The following ADGRL3 variants were observed in gnomAD, a reference collection of about 807,000 sequenced individuals.
The protein encoded by ADGRL3 is adhesion G protein-coupled receptor L3.
Under a neutral mutation model 153.5 loss-of-function variants are expected in ADGRL3, and 62 were observed. The ratio of observed to expected loss-of-function variants is 0.40; its 90% CI spans 0.33 to 0.50. The LOEUF is 0.50. Among genes scored for constraint, ADGRL3 ranks in the 20% least tolerant of loss-of-function variants. ADGRL3 has a pLI of 0.47. For missense variants in ADGRL3, 1,641 were observed against 1,859.4 expected (o/e 0.88, Z 2.16); for synonymous variants, 710 against 672.5 (o/e 1.06, Z -0.86).
At chr4:61,746,776 C>T (rs962347270) in intron 8 of ADGRL3, among the ~76,000 whole-genome samples, 3 of 151,912 alleles carry the variant, frequency 2.0e-5, no homozygotes, top group African/African-American at 7.3e-5. Flanking sequence ...AAATTGACAC[C>T]CTAACATCAC....
At chr4:61,962,516 A>C (rs1320468243) in intron 17 of ADGRL3, among the ~76,000 whole-genome samples, 1 of 152,060 alleles carries the variant, frequency 6.6e-6, no homozygotes, top group Non-Finnish European at 1.5e-5. Context: ...TTTGTCTTTC[A>C]TGAGAATGAT....
At chr4:62,008,769 A>G (rs1278135877) in intron 21 of ADGRL3, among the ~76,000 whole-genome samples, 1 of 151,840 alleles carries the variant, frequency 6.6e-6, no homozygotes, top group African/African-American at 2.4e-5. Context: ...ATATATGCAT[A>G]TATATAATCA....
chr4:61,647,801 GC>G (rs1456783907), intron 5 of ADGRL3, among the ~76,000 whole-genome samples: 3 of 151,992 alleles, frequency 2.0e-5, no homozygotes, highest in Non-Finnish European at 2.9e-5. Context: ...TAGAAAACAT[GC>G]ATTTATTAAT....
At chr4:62,068,383 A>G (rs969992701) in intron 26 of ADGRL3, among the ~76,000 whole-genome samples, 200 bp downstream of exon 26, 2 of 152,210 alleles carry the variant, frequency 1.3e-5, no homozygotes, top group Non-Finnish European at 2.9e-5. Flanking sequence ...ATTGTCACAT[A>G]ATCAACATAG....
At chr4:61,902,703 C>T (rs924904610) in intron 11 of ADGRL3, among the ~76,000 whole-genome samples, 2 of 152,076 alleles carry the variant, frequency 1.3e-5, no homozygotes, top group African/African-American at 2.4e-5. Flanking sequence ...AGGCCCCTAC[C>T]CACATCCCAA....
chr4:61,819,273 G>A (rs567219228), intron 9 of ADGRL3, among the ~76,000 whole-genome samples: 4 of 152,084 alleles, frequency 2.6e-5, no homozygotes, highest in Non-Finnish European at 4.4e-5. Context: ...GACAAATTAC[G>A]TTCTTTAAAT....
At chr4:61,422,637 T>C (rs953520194) in intron 2 of ADGRL3, among the ~76,000 whole-genome samples, 3 of 152,148 alleles carry the variant, frequency 2.0e-5, no homozygotes, top group Non-Finnish European at 4.4e-5. Context: ...CTAATGTAGA[T>C]GTTTCAGTGT....
At chr4:61,275,294 T>G (rs2149865585) in intron 1 of ADGRL3, among the ~76,000 whole-genome samples, 1 of 152,310 alleles carries the variant, frequency 6.6e-6, no homozygotes, top group African/African-American at 2.4e-5. Flanking sequence ...CTTTATCAAC[T>G]TAGAATGGTA....
Position 62,031,616 on chromosome 4 carries a change from C to CT in ADGRL3, c.3591+7dup. On this transcript the variant is annotated splice_region_variant and intron_variant, in intron 23 of 26. Coordinates refer to ENST00000683033, the MANE Select transcript of ADGRL3 (RefSeq NM_001387552.1). ...ATTGTGTCCTACAGAAGAAGGTAAG[C>CT]TAGAATTCTTTTTTTAAAATAAAAA... 1 of 1,584,494 alleles carries CT rather than the reference C, an allele frequency of 6.3e-7. No individual in the cohort carries two copies. Among genetic ancestry groups the CT allele is most frequent in the Non-Finnish European group, 8.6e-7 (1 of 1,161,974 alleles).
intron 2 of ADGRL3, among the ~76,000 whole-genome samples, chr4:61,487,603 C>T (rs1201703427): frequency 6.6e-6 from 1 of 151,980 alleles, no homozygotes; most frequent in Non-Finnish European, 1.5e-5. Context: ...CTTGCCTTTC[C>T]TGATTTCTAG....
intron 8 of ADGRL3, among the ~76,000 whole-genome samples, chr4:61,790,792 C>T (rs1469636627): frequency 6.6e-6 from 1 of 152,108 alleles, no homozygotes; most frequent in Non-Finnish European, 1.5e-5. Context: ...GTTGGGAAGG[C>T]CTCACAATCA....
intron 2 of ADGRL3, among the ~76,000 whole-genome samples, chr4:61,411,158 A>G (rs1279100878): frequency 6.6e-6 from 1 of 152,146 alleles, no homozygotes; most frequent in African/African-American, 2.4e-5. Context: ...GATTTTGTCA[A>G]TTGTCCCAAC....
chr4:61,295,718 G>A (rs547608986), intron 1 of ADGRL3, among the ~76,000 whole-genome samples: 21 of 152,014 alleles, frequency 1.4e-4, no homozygotes, highest in Middle Eastern at 3.4e-3. Context: ...CAGCATTTTG[G>A]GAGGCAGAGG....
intron 5 of ADGRL3, among the ~76,000 whole-genome samples, chr4:61,675,738 A>T (rs946832399): frequency 1.2e-4 from 18 of 151,612 alleles, no homozygotes; most frequent in African/African-American, 4.4e-4. Context: ...AAGGCATGCG[A>T]TGTGTAATAA....
At chr4:61,756,033 T>G (rs985866897) in intron 8 of ADGRL3, among the ~76,000 whole-genome samples, 1 of 152,166 alleles carries the variant, frequency 6.6e-6, no homozygotes, top group Non-Finnish European at 1.5e-5. Context: ...CCTTGTAGTA[T>G]AGTTTGAAGT....
chr4:61,833,041 C>A (rs2097891434), intron 9 of ADGRL3, among the ~76,000 whole-genome samples: 1 of 151,960 alleles, frequency 6.6e-6, no homozygotes, highest in South Asian at 2.1e-4. Flanking sequence ...GAAAATAAAA[C>A]CATTAAGTAA....
At chr4:61,745,408 C>T (rs1313228694) in intron 8 of ADGRL3, among the ~76,000 whole-genome samples, 1 of 152,038 alleles carries the variant, frequency 6.6e-6, no homozygotes, top group Non-Finnish European at 1.5e-5. Flanking sequence ...ACATAATTGT[C>T]AGATTCACCA....
intron 1 of ADGRL3, among the ~76,000 whole-genome samples, chr4:61,371,322 G>A (rs1484678436): frequency 6.0e-5 from 9 of 151,134 alleles, no homozygotes; most frequent in Admixed American, 3.3e-4. Flanking sequence ...TTTCTTCCTA[G>A]TCTCGATGGT....
At chr4:61,820,213 T>C (rs960812078) in intron 9 of ADGRL3, among the ~76,000 whole-genome samples, 5 of 152,186 alleles carry the variant, frequency 3.3e-5, no homozygotes, top group African/African-American at 1.2e-4. Context: ...AGTTGCAAAG[T>C]AGCCACTGAA....
Sources: gnomAD v4.1 joint callset for allele counts (sites outside exome capture counted in the v4.1 genomes callset) on GRCh38, gnomAD v4.1.1 for gene constraint, MANE v1.5 for transcripts, NCBI Gene and HGNC (gene_info 2026-07-23, HGNC 2026-07-21) for gene names.